EBF1: variants seen among roughly 807,000 people sequenced by gnomAD.
EBF1 encodes the protein transcription factor COE1.
A neutral mutation model predicts 68.4 loss-of-function variants in EBF1; 10 were observed. The ratio of observed to expected loss-of-function variants is 0.15; its 90% CI spans 0.09 to 0.25. The LOEUF (loss-of-function observed/expected upper bound fraction) is 0.25, where lower values mean the gene tolerates loss of function less well. EBF1 is among the 10% of genes least tolerant of loss of function. EBF1 has a pLI of 1.00. For synonymous variants in EBF1, 298 were observed against 299.8 expected (o/e 0.99, Z 0.06); for missense variants, 509 against 794.4 (o/e 0.64, Z 4.32).
rs564968613 is a variant in EBF1, at chr5:158,915,197, T to C, written c.555-75087A>G. ...AGAAAGTGAACTCTGGGGGCCTCAT[T>C]TAAAGGGACAGCCTCGGAGGGCGAT... is the stretch of plus-strand genomic sequence containing the variant. On this transcript the variant is annotated intron_variant, in intron 6 of 15. Coordinates refer to ENST00000313708, the MANE Select transcript of EBF1 (RefSeq NM_024007.5). Among the ~76,000 whole-genome samples, 5 of 152,222 alleles carry C rather than the reference T, an allele frequency of 3.3e-5. No individual in the cohort carries two copies. The South Asian group carries it at 8.3e-4, about 25-fold the overall frequency.
intron 6 of EBF1, among the ~76,000 whole-genome samples, chr5:158,861,643 T>C (rs1459023101): frequency 6.6e-6 from 1 of 152,212 alleles, no homozygotes; most frequent in Admixed American, 6.5e-5. Context: ...CAATTAATGC[T>C]CCTCTGCTGC....
chr5:158,883,571 G>T (rs1322657616), intron 6 of EBF1, among the ~76,000 whole-genome samples: 1 of 152,048 alleles, frequency 6.6e-6, no homozygotes, highest in East Asian at 1.9e-4. Context: ...TCCAGAGATG[G>T]TAGCCTTGAA....
At chr5:158,933,205 T>G (rs576891814) in intron 6 of EBF1, among the ~76,000 whole-genome samples, 11 of 152,282 alleles carry the variant, frequency 7.2e-5, no homozygotes, top group Admixed American at 6.5e-4. Flanking sequence ...TGTAAACTTT[T>G]TCCCAGAGAC....
At chr5:159,067,176 C>A in intron 6 of EBF1, among the ~76,000 whole-genome samples, 1 of 152,104 alleles carries the variant, frequency 6.6e-6, no homozygotes. Context: ...TAAGCAACTT[C>A]TTTTAGGAAA....
intron 8 of EBF1, among the ~76,000 whole-genome samples, chr5:158,799,377 G>A (rs1780167310): frequency 6.6e-6 from 1 of 152,034 alleles, no homozygotes. Flanking sequence ...AGCTATGACT[G>A]CACCACTGTA....
At chr5:158,788,106 G>A (rs1255995324) in intron 9 of EBF1, among the ~76,000 whole-genome samples, 1 of 152,064 alleles carries the variant, frequency 6.6e-6, no homozygotes, top group Non-Finnish European at 1.5e-5. Context: ...CTCTGTGCTG[G>A]GCATCACAGA....
intron 6 of EBF1, among the ~76,000 whole-genome samples, chr5:158,947,333 G>A (rs982625297): frequency 6.6e-6 from 1 of 152,224 alleles, no homozygotes; most frequent in African/African-American, 2.4e-5. Flanking sequence ...TGGCAACCGG[G>A]AGAATCTCCT....
chr5:159,047,042 G>C (rs569468425), intron 6 of EBF1, among the ~76,000 whole-genome samples: 1 of 152,304 alleles, frequency 6.6e-6, no homozygotes, highest in South Asian at 2.1e-4. Flanking sequence ...CGTACCGAGT[G>C]TCTGGCACTG....
chr5:158,712,891 G>A (rs913995539), intron 13 of EBF1, 79 bp downstream of exon 13: 31 of 1,316,036 alleles, frequency 2.4e-5, no homozygotes, highest in Non-Finnish European at 2.7e-5. Context: ...ATTTTTTAAT[G>A]TAAAAATTGT....
At chr5:158,913,794 C>A (rs745513234) in intron 6 of EBF1, among the ~76,000 whole-genome samples, 2 of 152,074 alleles carry the variant, frequency 1.3e-5, no homozygotes, top group African/African-American at 4.8e-5. Flanking sequence ...CATGAGAGCG[C>A]GAGTATTATA....
chr5:159,096,278 T>A (rs1196920230), intron 3 of EBF1, 65 bp downstream of exon 3: 3 of 1,518,550 alleles, frequency 2.0e-6, no homozygotes, highest in Non-Finnish European at 2.7e-6. Context: ...CACCTGGAGC[T>A]CCCTGCGCCC....
chr5:158,842,124 G>A (rs1280710325), intron 6 of EBF1, among the ~76,000 whole-genome samples: 1 of 152,230 alleles, frequency 6.6e-6, no homozygotes, highest in Non-Finnish European at 1.5e-5. Context: ...GCCAGTCATT[G>A]ACTCTTGCCC....
intron 6 of EBF1, among the ~76,000 whole-genome samples, chr5:158,969,845 A>AAAGAAAG (rs1755043168): frequency 2.7e-5 from 1 of 37,398 alleles, no homozygotes; most frequent in East Asian, 6.1e-4. Flanking sequence ...AAAGAAAGAG[A>AAAGAAAG]AAGAAAGAAA....
intron 8 of EBF1, among the ~76,000 whole-genome samples, chr5:158,814,583 C>A (rs930783130): frequency 6.6e-5 from 10 of 152,112 alleles, no homozygotes; most frequent in African/African-American, 2.4e-4. Context: ...TCCCTATATC[C>A]AAATCGGTTT....
intron 6 of EBF1, among the ~76,000 whole-genome samples, chr5:158,945,968 C>T (rs939955720): frequency 6.6e-5 from 10 of 152,212 alleles, no homozygotes; most frequent in Non-Finnish European, 1.3e-4. Flanking sequence ...TCCACTTGAT[C>T]AATTTGGCTA....
chr5:158,700,952 G>T (rs988484251), intron 15 of EBF1, among the ~76,000 whole-genome samples: 1 of 152,126 alleles, frequency 6.6e-6, no homozygotes, highest in African/African-American at 2.4e-5. Flanking sequence ...TGAGCCCTAG[G>T]TTTGACTGAA....
intron 6 of EBF1, among the ~76,000 whole-genome samples, chr5:159,053,307 A>G (rs544323068): frequency 6.6e-6 from 1 of 152,318 alleles, no homozygotes; most frequent in African/African-American, 2.4e-5. Context: ...AAATGAGAGA[A>G]TACCCAGAAT....
At chr5:158,745,812 A>G (rs984021874) in intron 10 of EBF1, among the ~76,000 whole-genome samples, 3 of 152,214 alleles carry the variant, frequency 2.0e-5, no homozygotes, top group African/African-American at 7.2e-5. Flanking sequence ...CTGTTGATCT[A>G]TAAGCAAACA....
chr5:158,707,833 C>T lies in EBF1; in HGVS notation c.1744+146G>A, dbSNP rs566691246. Reference sequence around the variant, plus strand: ...GGGCCAGGGTTGAGGAGAGCAAATACAAAGGAACAGAAGAGATGAGGGCAG... The same window carrying T: ...GGGCCAGGGTTGAGGAGAGCAAATATAAAGGAACAGAAGAGATGAGGGCAG... On this transcript the variant is annotated intron_variant, in intron 15 of 15. Coordinates refer to ENST00000313708, the MANE Select transcript of EBF1 (RefSeq NM_024007.5). 244 of 1,062,106 alleles carry T rather than the reference C, an allele frequency of 2.3e-4. 3 individuals are homozygous for T. The South Asian group carries it at 3.4e-3, about 15-fold the overall frequency. 65.8% of individuals were successfully genotyped at this position (1,062,106 alleles called of 1,614,324 possible).
Sources: gnomAD v4.1 joint callset for allele counts (sites outside exome capture counted in the v4.1 genomes callset) on GRCh38, gnomAD v4.1.1 for gene constraint, MANE v1.5 for transcripts, NCBI Gene and HGNC (gene_info 2026-07-23, HGNC 2026-07-21) for gene names.